The following RBFOX1 variants were observed in gnomAD, a reference collection of about 807,000 sequenced individuals.
The protein encoded by RBFOX1 is RNA binding fox-1 homolog 1, also known as RNA binding protein fox-1 homolog 1.
A neutral mutation model predicts 57.7 loss-of-function variants in RBFOX1; 8 were observed. The observed-to-expected ratio is 0.14, with a 90% CI of 0.08 to 0.25. The LOEUF is 0.25. Among genes scored for constraint, RBFOX1 ranks in the 10% least tolerant of loss-of-function variants. The pLI is 1.00. For synonymous variants in RBFOX1, 326 were observed against 222.4 expected (o/e 1.47, Z -4.15); for missense variants, 611 against 548.5 (o/e 1.11, Z -1.14).
chr16:5,459,805 T>C (rs2068736564), intron 1 of RBFOX1, among the ~76,000 whole-genome samples: 1 of 152,044 alleles, frequency 6.6e-6, no homozygotes, highest in South Asian at 2.1e-4. Context: ...GATTCTGAGC[T>C]CAGAGACTGC....
intron 4 of RBFOX1, among the ~76,000 whole-genome samples, chr16:7,425,019 T>C (rs80253285): frequency 0.012 from 1,824 of 152,310 alleles, 38 homozygotes; most frequent in African/African-American, 0.041. Context: ...TTATTATTAT[T>C]TTGACATAAA....
At chr16:5,797,843 T>G (rs75489066) in intron 3 of RBFOX1, among the ~76,000 whole-genome samples, 3,592 of 152,248 alleles carry the variant, frequency 0.024, 150 homozygotes, top group African/African-American at 0.082. Context: ...AATATTGACT[T>G]ATAGGTAAGT....
At chr16:7,254,350 C>T (rs35190050) in intron 4 of RBFOX1, among the ~76,000 whole-genome samples, 8 of 152,232 alleles carry the variant, frequency 5.3e-5, no homozygotes, top group Admixed American at 3.3e-4. Context: ...ACCCTGGGCT[C>T]CTTAGGTTAA....
chr16:6,588,421 G>A (rs1245944766), intron 2 of RBFOX1, among the ~76,000 whole-genome samples: 1 of 152,126 alleles, frequency 6.6e-6, no homozygotes, highest in East Asian at 1.9e-4. Flanking sequence ...GGGAGGCCAA[G>A]GCAGGTGGAT....
intron 4 of RBFOX1, among the ~76,000 whole-genome samples, chr16:5,968,833 T>G (rs918756237): frequency 6.6e-6 from 1 of 152,146 alleles, no homozygotes; most frequent in Non-Finnish European, 1.5e-5. Context: ...CAAGGACTCT[T>G]ATCTCTATTT....
chr16:6,332,622 C>CACACAT (rs2083181179), intron 2 of RBFOX1, among the ~76,000 whole-genome samples: 4 of 152,196 alleles, frequency 2.6e-5, no homozygotes, highest in Admixed American at 1.3e-4. Context: ...CACACATGCA[C>CACACAT]ACACATACAC....
At chr16:6,950,173 G>A (rs552773842) in intron 3 of RBFOX1, among the ~76,000 whole-genome samples, 15 of 147,924 alleles carry the variant, frequency 1.0e-4, no homozygotes, top group Non-Finnish European at 1.5e-4. Context: ...GGCCAGGCTG[G>A]TCTCAAACTC....
At chr16:5,264,558 G>T (rs1394297067) in intron 1 of RBFOX1, among the ~76,000 whole-genome samples, 2 of 152,180 alleles carry the variant, frequency 1.3e-5, no homozygotes, top group East Asian at 3.8e-4. Flanking sequence ...TTGTAAAAGT[G>T]TATATATTCT....
At chr16:5,619,997 AAAAG>A (rs1205145395) in intron 3 of RBFOX1, among the ~76,000 whole-genome samples, 23 of 151,490 alleles carry the variant, frequency 1.5e-4, no homozygotes, top group African/African-American at 3.9e-4. Flanking sequence ...AAAAAAAAAA[AAAAG>A]AAAGAAAGAA....
In RBFOX1 at chr16:5,999,854, C is replaced by T. The variant is rs189002898; in HGVS notation, c.351+132519C>T. Among the ~76,000 whole-genome samples the T allele has an allele frequency of 2.8e-3, 287 of 102,936 alleles. 1 individual carries two copies. Among genetic ancestry groups the T allele is most frequent in the Non-Finnish European group, 4.1e-3 (233 of 57,530 alleles). 67.5% of individuals were successfully genotyped at this position (102,936 alleles called of 152,430 possible). A position where few individuals can be genotyped will look rare whatever the true frequency, so the allele number is the denominator to read the frequency against. ...CTGCGCTCCAGCCTGGGCGACAGAGCGAGACTCCACCTCAAAAAAAAAAAA... is the reference window on the plus strand; with the variant it reads ...CTGCGCTCCAGCCTGGGCGACAGAGTGAGACTCCACCTCAAAAAAAAAAAA... On this transcript the variant is annotated intron_variant, in intron 4 of 19. Coordinates refer to the RBFOX1 transcript ENST00000641259.
intron 4 of RBFOX1, among the ~76,000 whole-genome samples, chr16:7,442,009 A>G (rs1356222465): frequency 6.6e-6 from 1 of 152,212 alleles, no homozygotes; most frequent in East Asian, 1.9e-4. Flanking sequence ...GTCAGCACAA[A>G]TGAGCTTTTC....
At chr16:7,285,253 C>G (rs1159263997) in intron 4 of RBFOX1, among the ~76,000 whole-genome samples, 1 of 151,688 alleles carries the variant, frequency 6.6e-6, no homozygotes, top group Non-Finnish European at 1.5e-5. Context: ...TCCAATGTAC[C>G]CTTTACACAG....
At chr16:6,683,922 A>T (rs1052718920) in intron 3 of RBFOX1, among the ~76,000 whole-genome samples, 1 of 152,184 alleles carries the variant, frequency 6.6e-6, no homozygotes, top group Non-Finnish European at 1.5e-5. Flanking sequence ...CGCATATGTG[A>T]AAACATGTGT....
chr16:5,250,775 C>G (rs1031879741), intron 1 of RBFOX1, among the ~76,000 whole-genome samples: 2 of 152,194 alleles, frequency 1.3e-5, no homozygotes, highest in African/African-American at 4.8e-5. Context: ...CAGCCCTGCA[C>G]CGATACGTCT....
intron 14 of RBFOX1, among the ~76,000 whole-genome samples, chr16:7,705,899 G>C (rs1036201814): frequency 6.6e-6 from 1 of 152,186 alleles, no homozygotes; most frequent in African/African-American, 2.4e-5. Flanking sequence ...GGCACATGGA[G>C]ATCATCATGA....
chr16:6,386,741 G>T lies in RBFOX1; in HGVS notation c.-64+69684G>T, dbSNP rs550015495. ...ACTGAGTAAATGTTTACGGTAAATGGAATAGTTTAGGTAGGGGAATCCACA... is the reference window on the plus strand; with the variant it reads ...ACTGAGTAAATGTTTACGGTAAATGTAATAGTTTAGGTAGGGGAATCCACA... On this transcript the variant is annotated intron_variant, in intron 2 of 15. Transcript: ENST00000550418. 2.0e-5 allele frequency among the ~76,000 whole-genome samples: 3 copies of T among 152,274 alleles called. No homozygotes were observed. In the South Asian group the frequency reaches 6.2e-4, roughly 32 times the overall value.
Position 7,368,166 on chromosome 16 carries a change from C to G in RBFOX1, c.28-149981C>G, listed in dbSNP as rs184869888. ...CCAGTAGTCCCAGCTACTTGGGAGG[C>G]TGAGGCAGGAGGATCGCTTGAACCC... is the stretch of plus-strand genomic sequence containing the variant. On this transcript the variant is annotated intron_variant, in intron 4 of 15. Transcript: ENST00000550418. 2.9e-3 allele frequency among the ~76,000 whole-genome samples: 445 copies of G among 151,570 alleles called. 3 individuals are homozygous for G. The Middle Eastern group carries it at 0.034, about 12-fold the overall frequency.
intron 3 of RBFOX1, among the ~76,000 whole-genome samples, chr16:6,843,593 G>A (rs1024402454): frequency 6.6e-6 from 1 of 152,276 alleles, no homozygotes; most frequent in East Asian, 1.9e-4. Flanking sequence ...GGACGTTGAG[G>A]CAGGAGAATG....
At chr16:6,963,923 C>T (rs1297032659) in intron 3 of RBFOX1, among the ~76,000 whole-genome samples, 1 of 152,174 alleles carries the variant, frequency 6.6e-6, no homozygotes, top group Non-Finnish European at 1.5e-5. Context: ...CGGTGTCGAT[C>T]TCCTGACATC....
Sources: gnomAD v4.1 joint callset for allele counts (sites outside exome capture counted in the v4.1 genomes callset) on GRCh38, gnomAD v4.1.1 for gene constraint, MANE v1.5 for transcripts, NCBI Gene and HGNC (gene_info 2026-07-23, HGNC 2026-07-21) for gene names.